Variants in GLIS3 observed in about 807,000 individuals in gnomAD.
GLIS3 encodes the protein GLIS family zinc finger 3, also known as zinc finger protein GLIS3.
A neutral mutation model predicts 78.6 loss-of-function variants in GLIS3; 53 were observed. That is an observed-to-expected ratio of 0.67 (90% CI 0.54 to 0.85). GLIS3 has a LOEUF of 0.85. GLIS3 is among the 40% of genes least tolerant of loss of function. The pLI is 0.00. For synonymous variants in GLIS3, 684 were observed against 509.9 expected, an observed-to-expected ratio of 1.34 and a Z score of -4.60; for missense variants, 1,703 against 1,231.1, an observed-to-expected ratio of 1.38 and a Z score of -5.74.
chr9:3,923,922 G>A (rs1469186178), intron 6 of GLIS3, among the ~76,000 whole-genome samples: 1 of 152,228 alleles, frequency 6.6e-6, no homozygotes, highest in Non-Finnish European at 1.5e-5. Context: ...TGGATCACTT[G>A]AGGTCAGTAA....
At position 3,989,508 on chromosome 9, in the gene GLIS3, A is replaced by C. The variant is rs564571970; in HGVS notation, c.1711-52319T>G. 2.6e-5 allele frequency among the ~76,000 whole-genome samples: 4 copies of C among 152,346 alleles called. No individual in the cohort carries two copies. The South Asian group carries it at 8.3e-4, about 32-fold the overall frequency. ...AGCCCAGATGTCTCTCACCAGGCAG[A>C]TGTCAACTACTGTGGAATAAACATA... On this transcript the variant is annotated intron_variant, in intron 4 of 10. Coordinates refer to ENST00000381971, the MANE Select transcript of GLIS3 (RefSeq NM_001042413.2).
chr9:4,409,944 T>G, the GLIS3 span, among the ~76,000 whole-genome samples: 1 of 152,156 alleles, frequency 6.6e-6, no homozygotes, highest in Non-Finnish European at 1.5e-5. Context: ...ACAGAAATAA[T>G]GTGGTTTAAA....
intron 4 of GLIS3, among the ~76,000 whole-genome samples, chr9:4,103,092 A>G (rs1830494621): frequency 6.6e-6 from 1 of 152,200 alleles, no homozygotes; most frequent in African/African-American, 2.4e-5. Context: ...TGAACATCAT[A>G]AAATTTTCCA....
intron 1 of GLIS3, among the ~76,000 whole-genome samples, chr9:4,291,348 A>C (rs1363509372): frequency 6.6e-6 from 1 of 152,140 alleles, no homozygotes; most frequent in Non-Finnish European, 1.5e-5. Flanking sequence ...AATGTAATGA[A>C]CATGAGGGAC....
chr9:4,359,562 C>A, the GLIS3 span, among the ~76,000 whole-genome samples: 9 of 152,246 alleles, frequency 5.9e-5, no homozygotes, highest in East Asian at 1.5e-3. Context: ...TTGACAGGGG[C>A]AACAGACCCA....
chr9:4,172,480 CGTACA>C (rs1333949243), intron 2 of GLIS3, among the ~76,000 whole-genome samples: 3 of 152,138 alleles, frequency 2.0e-5, no homozygotes, highest in Admixed American at 6.5e-5. Context: ...CAAATCCAAA[CGTACA>C]GTATTTTTAA....
intron 4 of GLIS3, among the ~76,000 whole-genome samples, chr9:4,044,353 C>T (rs908925043): frequency 5.3e-5 from 8 of 152,186 alleles, no homozygotes; most frequent in African/African-American, 1.7e-4. Flanking sequence ...TAAGTAATCT[C>T]CCAACGCCCC....
At chr9:4,417,144 G>A in the GLIS3 span, among the ~76,000 whole-genome samples, 100 of 152,134 alleles carry the variant, frequency 6.6e-4, no homozygotes, top group Middle Eastern at 3.4e-3. Context: ...ACAAATAGTC[G>A]ATGACCAATC....
At chr9:4,343,369 C>G (rs1321209785) in intron 2 of GLIS3, among the ~76,000 whole-genome samples, 2 of 152,188 alleles carry the variant, frequency 1.3e-5, no homozygotes, top group African/African-American at 4.8e-5. Context: ...CAATGAGATA[C>G]TATCTCACAC....
chr9:4,151,610 G>C (rs972377357), intron 2 of GLIS3, among the ~76,000 whole-genome samples: 1 of 152,180 alleles, frequency 6.6e-6, no homozygotes, highest in African/African-American at 2.4e-5. Flanking sequence ...AATAACTGCA[G>C]AACAATTGTC....
chr9:4,172,151 T>A (rs1319056511), intron 2 of GLIS3, among the ~76,000 whole-genome samples: 2 of 152,198 alleles, frequency 1.3e-5, no homozygotes, highest in Non-Finnish European at 2.9e-5. Flanking sequence ...TGAATCACAT[T>A]CAGGCTTGGA....
intron 4 of GLIS3, among the ~76,000 whole-genome samples, chr9:4,044,530 G>A (rs1219465638): frequency 6.6e-6 from 1 of 152,106 alleles, no homozygotes; most frequent in African/African-American, 2.4e-5. Context: ...TCACAGAGAA[G>A]GAATCCAATG....
chr9:4,235,100 C>G (rs1822593471), intron 2 of GLIS3, among the ~76,000 whole-genome samples: 1 of 152,048 alleles, frequency 6.6e-6, no homozygotes, highest in African/African-American at 2.4e-5. Context: ...AGATCGAGAC[C>G]ATCCTGGCTA....
At chr9:4,261,765 G>C (rs1825550271) in intron 2 of GLIS3, among the ~76,000 whole-genome samples, 3 of 152,128 alleles carry the variant, frequency 2.0e-5, no homozygotes, top group Admixed American at 1.3e-4. Context: ...AGTCTTTAAA[G>C]CAAGCGGCAC....
intron 6 of GLIS3, among the ~76,000 whole-genome samples, chr9:3,920,219 G>A (rs2130725906): frequency 6.6e-6 from 1 of 152,114 alleles, no homozygotes; most frequent in South Asian, 2.1e-4. Context: ...TAGCCAGGAT[G>A]GTCTCAATCT....
At chr9:4,460,748 C>A in the GLIS3 span, among the ~76,000 whole-genome samples, 32 of 152,160 alleles carry the variant, frequency 2.1e-4, no homozygotes, top group African/African-American at 7.0e-4. Context: ...TTCCTTTTTT[C>A]TTCTACATGT....
At chr9:4,344,773 T>A (rs1817877790) in intron 2 of GLIS3, among the ~76,000 whole-genome samples, 1 of 152,130 alleles carries the variant, frequency 6.6e-6, no homozygotes. Flanking sequence ...ACCACAATCT[T>A]CCCCACTGCA....
intron 4 of GLIS3, among the ~76,000 whole-genome samples, chr9:4,111,587 T>C (rs1462912166): frequency 1.3e-5 from 2 of 152,254 alleles, no homozygotes; most frequent in Non-Finnish European, 2.9e-5. Flanking sequence ...ATGCCCCATC[T>C]AATGAGGATT....
chr9:4,147,691 T>C (rs1294008294), intron 2 of GLIS3: 1 of 152,012 alleles, frequency 6.6e-6, no homozygotes, highest in Non-Finnish European at 1.5e-5. Context: ...GCTGGTGAAG[T>C]CAGCCAGCGC....
Sources: allele counts gnomAD v4.1 joint callset (sites outside exome capture counted in the v4.1 genomes callset), GRCh38; gene constraint gnomAD v4.1.1; transcripts MANE v1.5; gene names NCBI Gene and HGNC (gene_info 2026-07-23, HGNC 2026-07-21).